The following CHID1 variants were observed in gnomAD, a reference collection of about 807,000 sequenced individuals.
CHID1 encodes chitinase domain-containing protein 1.
CHID1 carries 44 observed loss-of-function variants against 55.4 expected under a neutral mutation model. The observed-to-expected ratio is 0.79, with a 90% CI of 0.62 to 1.02. The LOEUF is 1.02. Among genes scored for constraint, CHID1 ranks in the 50% least tolerant of loss-of-function variants. The pLI is 0.00. For missense variants in CHID1, 491 were observed against 515.3 expected (o/e 0.95, Z 0.46); for synonymous variants, 216 against 212.9 (o/e 1.01, Z -0.13).
At chr11:886,423 C>T (rs1468270396) in intron 8 of CHID1, among the ~76,000 whole-genome samples, 14 of 152,182 alleles carry the variant, frequency 9.2e-5, no homozygotes, top group Non-Finnish European at 7.3e-5. Context: ...CATGCCACTG[C>T]ACTCCAGCCT....
intron 8 of CHID1, among the ~76,000 whole-genome samples, chr11:888,311 GC>G (rs905281285): frequency 1.7e-4 from 26 of 152,202 alleles, no homozygotes; most frequent in African/African-American, 6.3e-4. Flanking sequence ...CCAGTCCTGT[GC>G]CCCCGGTCCT....
chr11:905,041 C>T (rs1852109613), intron 1 of CHID1, among the ~76,000 whole-genome samples, 182 bp from the exon 2 acceptor site: 3 of 152,220 alleles, frequency 2.0e-5, no homozygotes, highest in South Asian at 4.1e-4. Flanking sequence ...GTCTATTCTC[C>T]AGTACTCCTG....
chr11:888,878 C>G (rs750918846), intron 8 of CHID1, among the ~76,000 whole-genome samples: 80 of 151,990 alleles, frequency 5.3e-4, no homozygotes, highest in Non-Finnish European at 8.4e-4. Context: ...CGGGCCCACA[C>G]CAACGCCAGT....
intron 10 of CHID1, among the ~76,000 whole-genome samples, chr11:872,013 G>A (rs1040000978): frequency 2.0e-5 from 3 of 152,178 alleles, no homozygotes; most frequent in Non-Finnish European, 4.4e-5. Flanking sequence ...AGCAGTGCTC[G>A]ACAAAGTGCC....
At position 885,762 on chromosome 11, in the gene CHID1, T is replaced by C. The variant is rs748697796; in HGVS notation, c.702-1593A>G. On this transcript the variant is annotated intron_variant, in intron 8 of 12. Transcript: ENST00000323578. ...TTTTATTTCTGAGATGGGGTCTCTA[T>C]GTCACCCAGGCTGGAGTGCAGCGGC... Among the ~76,000 whole-genome samples, 40 of 152,340 alleles carry C rather than the reference T, an allele frequency of 2.6e-4. No homozygotes were observed. In the Middle Eastern group the frequency reaches 0.01, roughly 39 times the overall value.
rs551066110 is a variant in CHID1, at chr11:903,260, G to A, written c.112-149C>T. The stretch of plus-strand genomic sequence containing the variant: ...TGACCCGGAGACCCTGTATGTTGAG[G>A]ATCGAGGCCACAGCAGGCAATTCAA... On this transcript the variant is annotated intron_variant, in intron 2 of 12. Coordinates refer to ENST00000323578, the MANE Select transcript of CHID1 (RefSeq NM_023947.4). 252 of 765,398 alleles carry A rather than the reference G, an allele frequency of 3.3e-4. 4 individuals are homozygous for A. In the South Asian group the frequency reaches 4.5e-3, roughly 14 times the overall value. The allele number at this position is 765,398 out of a possible 1,614,324, so 47.4% of individuals were successfully genotyped here.
At chr11:892,866 G>C (rs1177565948) in intron 8 of CHID1, among the ~76,000 whole-genome samples, 2 of 152,254 alleles carry the variant, frequency 1.3e-5, no homozygotes, top group Admixed American at 1.3e-4. Flanking sequence ...GGCATGGCCG[G>C]CCTGTGCTGG....
intron 8 of CHID1, 48 bp downstream of exon 8, chr11:893,379 C>A: frequency 6.7e-7 from 1 of 1,490,718 alleles, no homozygotes; most frequent in Non-Finnish European, 9.1e-7. Flanking sequence ...CTGCCCCCGA[C>A]CCCAGAGCCC....
chr11:885,255 C>T (rs192015811), intron 8 of CHID1, among the ~76,000 whole-genome samples: 8 of 152,270 alleles, frequency 5.3e-5, no homozygotes, highest in Admixed American at 5.2e-4. Flanking sequence ...GGCTTGAGGG[C>T]CCAAGACACC....
At chr11:880,586 T>C (rs1440304608) in intron 10 of CHID1, among the ~76,000 whole-genome samples, 3 of 152,012 alleles carry the variant, frequency 2.0e-5, no homozygotes, top group African/African-American at 4.8e-5. Flanking sequence ...CAGGGAACAC[T>C]GCCCCAACAT....
intron 7 of CHID1, among the ~76,000 whole-genome samples, chr11:894,121 CAAAAAAAAA>C (rs58548115): frequency 4.8e-4 from 28 of 58,062 alleles, no homozygotes; most frequent in African/African-American, 1.5e-3. Flanking sequence ...GACTCTGTCT[CAAAAAAAAA>C]AAAAAAAAAA....
chr11:899,304 G>A (rs780403099), intron 7 of CHID1, 36 bp downstream of exon 7: 13 of 1,573,056 alleles, frequency 8.3e-6, no homozygotes, highest in Middle Eastern at 1.8e-4. Flanking sequence ...CCAGGGCCAG[G>A]AGGAGGGCCA....
At chr11:892,980 C>T (rs769048864) in intron 8 of CHID1, among the ~76,000 whole-genome samples, 7 of 152,222 alleles carry the variant, frequency 4.6e-5, no homozygotes, top group Non-Finnish European at 1.0e-4. Flanking sequence ...CCGCACACAG[C>T]GAGTGGCCCG....
chr11:886,181 G>A (rs11246337), intron 8 of CHID1, among the ~76,000 whole-genome samples: 14 of 150,116 alleles, frequency 9.3e-5, no homozygotes, highest in African/African-American at 3.2e-4. Flanking sequence ...GAAAAATGGC[G>A]GGGTGTGATG....
intron 10 of CHID1, among the ~76,000 whole-genome samples, chr11:873,648 A>G (rs1304468165): frequency 6.6e-6 from 1 of 152,192 alleles, no homozygotes; most frequent in African/African-American, 2.4e-5. Flanking sequence ...TCGGCCTCAC[A>G]GAAACATCCA....
rs1168139248 is a variant in CHID1, at chr11:883,248, G to C, written c.859C>G (p.Pro287Ala). Residue 287 changes from proline (P) to alanine (A), a missense_variant, in exon 10 of 13, where the codon CCG (proline) becomes GCG (alanine). Coordinates refer to ENST00000323578, the MANE Select transcript of CHID1 (RefSeq NM_023947.4). The part of the protein sequence containing the change: ...WVRACVQVLD[P>A]KSKWRSKILL... Reference sequence around the variant, plus strand: ...ATTTTGCTTCGCCACTTGGACTTCGGGTCCAGGACCTGGACGCAGGCTCGA... The same window carrying C: ...ATTTTGCTTCGCCACTTGGACTTCGCGTCCAGGACCTGGACGCAGGCTCGA... The C allele has an allele frequency of 6.2e-7, 1 of 1,614,022 alleles. No homozygotes were observed. Among genetic ancestry groups the C allele is most frequent in the East Asian group, 2.2e-5 (1 of 44,894 alleles).
At chr11:899,529 G>T in intron 6 of CHID1, 128 bp from the exon 7 acceptor site, 1 of 825,090 alleles carries the variant, frequency 1.2e-6, no homozygotes, top group Non-Finnish European at 2.0e-6. Context: ...CAAGACCCAA[G>T]CCTGGGCTGT....
chr11:894,858 T>A (rs909230701), intron 7 of CHID1, among the ~76,000 whole-genome samples: 2 of 152,164 alleles, frequency 1.3e-5, no homozygotes, highest in African/African-American at 4.8e-5. Context: ...AGCTCCTGTT[T>A]CCCTGACATG....
At chr11:902,917 C>G (rs373588309) in intron 3 of CHID1, 45 bp downstream of exon 3, 23 of 1,590,200 alleles carry the variant, frequency 1.4e-5, no homozygotes, top group Non-Finnish European at 1.5e-5. Context: ...GGCAGCCCAC[C>G]TGAGCCTCAG....
Sources: gnomAD v4.1 joint callset for allele counts (sites outside exome capture counted in the v4.1 genomes callset) on GRCh38, gnomAD v4.1.1 for gene constraint, MANE v1.5 for transcripts, NCBI Gene and HGNC (gene_info 2026-07-23, HGNC 2026-07-21) for gene names.